TMEM108: variants seen among roughly 807,000 people sequenced by gnomAD.
The protein encoded by TMEM108 is cancer/testis antigen 124.
TMEM108 carries 12 observed loss-of-function variants against 35.1 expected under a neutral mutation model. The ratio of observed to expected loss-of-function variants is 0.34; its 90% CI spans 0.22 to 0.55. The LOEUF is 0.55. TMEM108 is among the 20% of genes least tolerant of loss of function. The pLI, the probability that TMEM108 is intolerant of heterozygous loss-of-function variation, is 0.89. For synonymous variants in TMEM108, 287 were observed against 308.6 expected, an observed-to-expected ratio of 0.93 and a Z score of 0.73; for missense variants, 680 against 753.3, an observed-to-expected ratio of 0.90 and a Z score of 1.14.
intron 3 of TMEM108, among the ~76,000 whole-genome samples, chr3:133,359,439 A>G (rs74923370): frequency 3.3e-5 from 5 of 152,190 alleles, no homozygotes; most frequent in Non-Finnish European, 5.9e-5. Flanking sequence ...TGGCTCTTTA[A>G]CAATAGCCAA....
At chr3:133,222,824 C>A (rs181786128) in intron 2 of TMEM108, among the ~76,000 whole-genome samples, 19 of 151,414 alleles carry the variant, frequency 1.3e-4, no homozygotes, top group Admixed American at 1.1e-3. Context: ...CTGCACTTAA[C>A]TTCCTTCATA....
Position 133,077,166 on chromosome 3 carries a change from C to T in TMEM108, c.-47+31146C>T, listed in dbSNP as rs77498620. Reference sequence around the variant, plus strand: ...GCAAGAGAAGTAAGCAAGTGGGTACCTGGCCGTTTGGGGCTGTGCTGGCGG... The same window carrying T: ...GCAAGAGAAGTAAGCAAGTGGGTACTTGGCCGTTTGGGGCTGTGCTGGCGG... On this transcript the variant is annotated intron_variant, in intron 2 of 5. Transcript: ENST00000321871. 6.5e-3 allele frequency among the ~76,000 whole-genome samples: 997 copies of T among 152,298 alleles called. 10 individuals are homozygous for T. Among genetic ancestry groups the T allele is most frequent in the African/African-American group, 0.022 (926 of 41,566 alleles).
At chr3:133,386,570 G>A in intron 4 of TMEM108, 1 of 1,491,158 alleles carries the variant, frequency 6.7e-7, no homozygotes, top group East Asian at 2.5e-5. Context: ...GGGAACCCAA[G>A]AGAGCTTAAT....
intron 2 of TMEM108, among the ~76,000 whole-genome samples, chr3:133,182,619 C>G (rs1275357626): frequency 6.6e-6 from 1 of 152,090 alleles, no homozygotes; most frequent in African/African-American, 2.4e-5. Flanking sequence ...TTTATTTGCC[C>G]ATTGTGTGCT....
At chr3:133,144,709 C>G (rs1026622785) in intron 2 of TMEM108, among the ~76,000 whole-genome samples, 4 of 152,184 alleles carry the variant, frequency 2.6e-5, no homozygotes, top group African/African-American at 9.7e-5. Context: ...TTGCATTTCC[C>G]TAATGACCAG....
intron 3 of TMEM108, among the ~76,000 whole-genome samples, chr3:133,300,943 GA>G (rs56138024): frequency 0.56 from 76,140 of 135,474 alleles, 21,169 homozygotes; most frequent in East Asian, 0.86. Context: ...TAAGAATAAA[GA>G]AAAAAAAAAT....
chr3:133,305,099 G>A (rs1576444478), intron 3 of TMEM108, among the ~76,000 whole-genome samples: 1 of 151,934 alleles, frequency 6.6e-6, no homozygotes, highest in East Asian at 1.9e-4. Context: ...AAGAAAAGAG[G>A]AAGAGAGAAA....
At chr3:133,050,545 T>C (rs1253713630) in intron 2 of TMEM108, among the ~76,000 whole-genome samples, 1 of 152,050 alleles carries the variant, frequency 6.6e-6, no homozygotes, top group African/African-American at 2.4e-5. Context: ...CACATTAGGG[T>C]ATATTCTTGG....
rs1943470008 is a variant in TMEM108, at chr3:133,056,732, T to C, written c.-47+10712T>C. ...AAAGATACATTTTCCTCCTTCTACC[T>C]ATGATCGTGAAAACTATGTTCATGG... On this transcript the variant is annotated intron_variant, in intron 2 of 5. Coordinates refer to ENST00000321871, the MANE Select transcript of TMEM108 (RefSeq NM_023943.4). Among the ~76,000 whole-genome samples the C allele has an allele frequency of 2.0e-5, 3 of 152,180 alleles. No homozygotes were observed. The South Asian group carries it at 6.2e-4, about 32-fold the overall frequency.
chr3:133,332,764 C>T (rs1470945122), intron 3 of TMEM108, among the ~76,000 whole-genome samples: 1 of 152,330 alleles, frequency 6.6e-6, no homozygotes, highest in East Asian at 1.9e-4. Flanking sequence ...TTAAGTTGAT[C>T]ATTCACACTG....
intron 3 of TMEM108, among the ~76,000 whole-genome samples, chr3:133,262,067 G>C (rs2107676159): frequency 6.6e-6 from 1 of 152,284 alleles, no homozygotes; most frequent in African/African-American, 2.4e-5. Flanking sequence ...ATTTGCCAAT[G>C]TACTTTACCA....
At position 133,178,970 on chromosome 3, in the gene TMEM108, AC is replaced by A. The variant is rs1379385428; in HGVS notation, c.-46-50295del. On this transcript the variant is annotated intron_variant, in intron 2 of 5. Coordinates refer to ENST00000321871, the MANE Select transcript of TMEM108 (RefSeq NM_023943.4). The stretch of plus-strand genomic sequence containing the variant: ...ACTCAAACAAATTTACAAGAAAAAA[AC>A]AACCCCATCAAAAAGTGGGCGAAAG... 1.8e-3 allele frequency among the ~76,000 whole-genome samples: 273 copies of A among 152,262 alleles called. 1 individual carries two copies. The highest frequency in any genetic ancestry group is 6.1e-3 in the African/African-American group (253 of 41,538).
At chr3:133,273,440 A>G (rs1260284153) in intron 3 of TMEM108, among the ~76,000 whole-genome samples, 1 of 152,130 alleles carries the variant, frequency 6.6e-6, no homozygotes, top group Non-Finnish European at 1.5e-5. Flanking sequence ...TTGATAGTCA[A>G]ACTAAACACC....
intron 2 of TMEM108, among the ~76,000 whole-genome samples, chr3:133,072,034 A>G (rs1943682142): frequency 6.6e-6 from 1 of 152,186 alleles, no homozygotes; most frequent in African/African-American, 2.4e-5. Flanking sequence ...ATTCTTTTGC[A>G]TGTGGATGTC....
chr3:133,311,646 A>G (rs2071130030), intron 3 of TMEM108, among the ~76,000 whole-genome samples: 1 of 152,098 alleles, frequency 6.6e-6, no homozygotes, highest in Non-Finnish European at 1.5e-5. Context: ...CTTCCTTCGA[A>G]TGGGTTAGAA....
chr3:133,203,239 CAG>C (rs1176756326), intron 2 of TMEM108, among the ~76,000 whole-genome samples: 1 of 152,186 alleles, frequency 6.6e-6, no homozygotes, highest in Non-Finnish European at 1.5e-5. Flanking sequence ...CATCTGCAAA[CAG>C]AGACAGTTTG....
At chr3:133,378,337 G>C in intron 3 of TMEM108, 3 of 985,448 alleles carry the variant, frequency 3.0e-6, no homozygotes, top group Non-Finnish European at 3.6e-6. Context: ...TCTGCTTCTC[G>C]CCAGGGCCCT....
intron 2 of TMEM108, among the ~76,000 whole-genome samples, chr3:133,086,958 C>T (rs543049753): frequency 9.8e-4 from 149 of 152,276 alleles, no homozygotes; most frequent in Non-Finnish European, 1.5e-3. Flanking sequence ...CAGATGTTTA[C>T]AAATCCTATA....
At chr3:133,137,001 G>T (rs984072805) in intron 2 of TMEM108, among the ~76,000 whole-genome samples, 1 of 152,196 alleles carries the variant, frequency 6.6e-6, no homozygotes, top group Non-Finnish European at 1.5e-5. Context: ...TTGTTAAATT[G>T]CAGAATTAGT....
Sources: allele counts gnomAD v4.1 joint callset (sites outside exome capture counted in the v4.1 genomes callset), GRCh38; gene constraint gnomAD v4.1.1; transcripts MANE v1.5; gene names NCBI Gene and HGNC (gene_info 2026-07-23, HGNC 2026-07-21).